MPPED1: variants seen among roughly 807,000 people sequenced by gnomAD.
MPPED1 encodes metallophosphoesterase domain-containing protein 1.
In MPPED1, 16 loss-of-function variants were observed where a neutral mutation model predicts 36.2. The ratio of observed to expected loss-of-function variants is 0.44; its 90% CI spans 0.30 to 0.67. The LOEUF (loss-of-function observed/expected upper bound fraction) is 0.67. Among genes scored for constraint, MPPED1 ranks in the 30% least tolerant of loss-of-function variants. The probability of loss-of-function intolerance (pLI) is 0.10; values close to 1 mark genes in which losing one functional copy is unlikely to be tolerated. For synonymous variants in MPPED1, 199 were observed against 191.3 expected (o/e 1.04, Z -0.33); for missense variants, 307 against 453.4 (o/e 0.68, Z 2.93).
chr22:43,479,856 G>A (rs1366990648), intron 4 of MPPED1, among the ~76,000 whole-genome samples: 1 of 152,136 alleles, frequency 6.6e-6, no homozygotes, highest in Non-Finnish European at 1.5e-5. Context: ...TGGGAGAATG[G>A]TAGGTCAGAT....
chr22:43,433,620 C>T (rs959623360), intron 2 of MPPED1, among the ~76,000 whole-genome samples: 14 of 151,516 alleles, frequency 9.2e-5, no homozygotes, highest in Middle Eastern at 3.2e-3. Flanking sequence ...GCGCTCCCGC[C>T]GCGGCATCGT....
chr22:43,486,470 C>T (rs1470540871), intron 4 of MPPED1, among the ~76,000 whole-genome samples: 1 of 152,084 alleles, frequency 6.6e-6, no homozygotes, highest in African/African-American at 2.4e-5. Flanking sequence ...TGGACAGGCT[C>T]CTCTGAAAGC....
chr22:43,469,172 C>T (rs1931277192), intron 3 of MPPED1, among the ~76,000 whole-genome samples: 1 of 152,174 alleles, frequency 6.6e-6, no homozygotes, highest in Non-Finnish European at 1.5e-5. Flanking sequence ...AGGCAGCTCC[C>T]ATCAGGGCAA....
At chr22:43,469,060 C>T (rs544359595) in intron 3 of MPPED1, among the ~76,000 whole-genome samples, 4 of 152,122 alleles carry the variant, frequency 2.6e-5, no homozygotes, top group African/African-American at 4.8e-5. Flanking sequence ...CAGGGGGTCA[C>T]GTTATGTTCT....
At chr22:43,443,302 G>A (rs1483067525) in intron 3 of MPPED1, among the ~76,000 whole-genome samples, 3 of 152,308 alleles carry the variant, frequency 2.0e-5, no homozygotes, top group East Asian at 3.9e-4. Context: ...AGGCCACTGG[G>A]GGGCTTAGGC....
chr22:43,425,322 T>C, intron 2 of MPPED1, 113 bp downstream of exon 2: 1 of 1,434,018 alleles, frequency 7.0e-7, no homozygotes, highest in South Asian at 1.5e-5. Context: ...TGAATGTTTG[T>C]TGACTGCAAC....
At chr22:43,436,427 ACT>A (rs1470986530) in intron 3 of MPPED1, among the ~76,000 whole-genome samples, 3 of 152,210 alleles carry the variant, frequency 2.0e-5, no homozygotes, top group Non-Finnish European at 4.4e-5. Context: ...CAGGGGCCCG[ACT>A]CTGCCAGGCG....
chr22:43,471,263 G>C (rs1255870773), intron 3 of MPPED1, among the ~76,000 whole-genome samples: 1 of 152,256 alleles, frequency 6.6e-6, no homozygotes, highest in African/African-American at 2.4e-5. Flanking sequence ...GGATGGATGG[G>C]TGATGTGAAG....
At chr22:43,500,567 C>G (rs575824284) in intron 5 of MPPED1, among the ~76,000 whole-genome samples, 8 of 151,884 alleles carry the variant, frequency 5.3e-5, no homozygotes, top group Non-Finnish European at 1.2e-4. Flanking sequence ...CTGTGACCCT[C>G]TGTGGTTCCC....
intron 3 of MPPED1, among the ~76,000 whole-genome samples, chr22:43,438,790 G>T (rs1277737028): frequency 6.6e-6 from 1 of 152,084 alleles, no homozygotes; most frequent in Non-Finnish European, 1.5e-5. Flanking sequence ...GACAGCGCTG[G>T]GCCTTGGGTC....
At chr22:43,460,746 T>C (rs34401744) in intron 3 of MPPED1, among the ~76,000 whole-genome samples, 43,199 of 151,996 alleles carry the variant, frequency 0.28, 7,594 homozygotes, top group East Asian at 0.54. Context: ...TACCATTGTG[T>C]TGAGGCACAT....
intron 4 of MPPED1, among the ~76,000 whole-genome samples, chr22:43,494,879 G>T (rs1306227775): frequency 1.3e-5 from 2 of 152,132 alleles, no homozygotes; most frequent in South Asian, 2.1e-4. Context: ...CCCACTTCCT[G>T]GTTCATAGAT....
Position 43,502,778 on chromosome 22 carries a change from GGCACC to G in MPPED1, c.862+22_862+26del. The G allele has an allele frequency of 1.2e-6, 2 of 1,602,320 alleles. No individual in the cohort carries two copies. Among genetic ancestry groups the G allele is most frequent in the Admixed American group, 1.7e-5 (1 of 59,986 alleles). Reference sequence around the variant, plus strand: ...CGAAGGTCAGTACGTAGCGGAGACAGGCACCTCACGGGCTAGGGGCTCCTAATGGA... The same window carrying G: ...CGAAGGTCAGTACGTAGCGGAGACAGTCACGGGCTAGGGGCTCCTAATGGA... On this transcript the variant is annotated intron_variant, in intron 6 of 6. Transcript: ENST00000443721. This position sits in a 1 kb window ranked among gnomAD's most constrained non-coding sequence, Gnocchi z 5.5.
chr22:43,462,977 AG>A (rs1432968191), intron 3 of MPPED1, among the ~76,000 whole-genome samples: 2 of 152,214 alleles, frequency 1.3e-5, no homozygotes, highest in Admixed American at 6.5e-5. Context: ...ATGTTAGAAA[AG>A]ATCTTTATTC....
chr22:43,495,702 TGATGGA>T (rs1254850455), intron 4 of MPPED1, among the ~76,000 whole-genome samples: 2 of 35,176 alleles, frequency 5.7e-5, no homozygotes, highest in Admixed American at 2.9e-4. Flanking sequence ...GTGGAGGTGG[TGATGGA>T]GGTGGTGGTG....
At chr22:43,450,948 A>G (rs1425569856) in intron 3 of MPPED1, among the ~76,000 whole-genome samples, 3 of 150,578 alleles carry the variant, frequency 2.0e-5, no homozygotes, top group Non-Finnish European at 2.9e-5. Context: ...CTGGTCTCGA[A>G]CTCCCAACCT....
At chr22:43,461,564 G>A (rs935089990) in intron 3 of MPPED1, among the ~76,000 whole-genome samples, 3 of 152,170 alleles carry the variant, frequency 2.0e-5, no homozygotes, top group Non-Finnish European at 4.4e-5. Flanking sequence ...GTGCTTCTCT[G>A]TATTGTTTCT....
intron 3 of MPPED1, among the ~76,000 whole-genome samples, chr22:43,471,655 G>A (rs964217927): frequency 6.6e-6 from 1 of 152,234 alleles, no homozygotes; most frequent in Non-Finnish European, 1.5e-5. Context: ...GGCCCACGCA[G>A]CCCTCTTCCC....
chr22:43,432,218 G>GAC (rs1180513476), intron 2 of MPPED1, among the ~76,000 whole-genome samples: 30 of 29,054 alleles, frequency 1.0e-3, no homozygotes, highest in Non-Finnish European at 1.5e-3. Flanking sequence ...GAGAGAGAGA[G>GAC]AGACACAGAG....
Sources: gnomAD v4.1 joint callset for allele counts (sites outside exome capture counted in the v4.1 genomes callset) on GRCh38, gnomAD v4.1.1 for gene constraint, Gnocchi (gnomAD v3.1) non-coding constraint, MANE v1.5 for transcripts, NCBI Gene and HGNC (gene_info 2026-07-23, HGNC 2026-07-21) for gene names.